The following MYL6 variants were observed in gnomAD, a reference collection of about 807,000 sequenced individuals.
MYL6 encodes myosin light chain 6, also known as myosin light polypeptide 6.
A neutral mutation model predicts 20.3 loss-of-function variants in MYL6; 20 were observed. The ratio of observed to expected loss-of-function variants is 0.98; its 90% confidence interval spans 0.69 to 1.43. The LOEUF is 1.43. MYL6 is among the 40% of genes most tolerant of loss of function. The probability of loss-of-function intolerance (pLI) is 0.00; values close to 1 mark genes in which losing one functional copy is unlikely to be tolerated. For synonymous variants in MYL6, 77 were observed against 72.4 expected (o/e 1.06, Z -0.32); for missense variants, 164 against 191.0 (o/e 0.86, Z 0.83).
Position 56,160,671 on chromosome 12 carries a change from G to A in MYL6, c.*16+1G>A, listed in dbSNP as rs112639042. ...TCGGGGTGACGGGCCCATGGGGCGG[G>A]TACGGCTCCTCCCAGCCTCTCCTCT... On this transcript the variant is annotated splice_donor_variant, in intron 6 of 6. Coordinates refer to ENST00000550697, the MANE Select transcript of MYL6 (RefSeq NM_021019.5). LOFTEE classifies it low-confidence loss of function (3UTR_SPLICE). The A allele has an allele frequency of 6.2e-7, 1 of 1,614,102 alleles. No homozygotes were observed. The highest frequency in any genetic ancestry group is 8.5e-7 in the Non-Finnish European group (1 of 1,179,968).
At chr12:56,161,291 C>T (rs775020979) in intron 6 of MYL6, 96 bp from the exon 7 acceptor site, 13 of 1,489,982 alleles carry the variant, frequency 8.7e-6, no homozygotes, top group South Asian at 1.1e-5. Context: ...GGCATGTTCC[C>T]GCTTATGCTA....
Position 56,160,228 on chromosome 12 carries a change from T to G in MYL6, c.350-15T>G, listed in dbSNP as rs375119697. The G allele has an allele frequency of 1.4e-5, 22 of 1,613,974 alleles. No homozygotes were observed. The highest frequency in any genetic ancestry group is 2.2e-5 in the South Asian group (2 of 91,082). ...TTGTCACCCAATTCCAAAAATGCTT[T>G]CTTTCCCCCTGCAGGTGAGAAGATG... On this transcript the variant is annotated splice_polypyrimidine_tract_variant and intron_variant, in intron 4 of 6. Transcript: ENST00000550697.
intron 6 of MYL6, chr12:56,160,960 CTT>C (rs1871786363): frequency 1.2e-5 from 7 of 571,962 alleles, no homozygotes; most frequent in Non-Finnish European, 2.2e-5. Context: ...TTAGGGTGAC[CTT>C]CTGGCCCTGG....
chr12:56,159,900 G>A, intron 3 of MYL6, 75 bp from the exon 4 acceptor site: 2 of 1,541,174 alleles, frequency 1.3e-6, no homozygotes, highest in Non-Finnish European at 1.7e-6. Flanking sequence ...CTGTTCAGTT[G>A]AGGTCTCTAT....
In MYL6 at chr12:56,161,503, G is replaced by C; in HGVS notation, c.*133G>C. On this transcript the variant is annotated 3_prime_UTR_variant, in exon 7 of 7. Coordinates refer to ENST00000550697, the MANE Select transcript of MYL6 (RefSeq NM_021019.5). ...AGTTTCCCTAGGCTTTCTTGTCTCAGCAACTTTCCCATCTTGTCTCTCTTG... is the reference window on the plus strand; with the variant it reads ...AGTTTCCCTAGGCTTTCTTGTCTCACCAACTTTCCCATCTTGTCTCTCTTG... The C allele has an allele frequency of 6.7e-7, 1 of 1,487,128 alleles. No homozygotes were observed. The highest frequency in any genetic ancestry group is 9.4e-7 in the Non-Finnish European group (1 of 1,066,442). 92.1% of individuals were successfully genotyped at this position (1,487,128 alleles called of 1,614,324 possible).
At chr12:56,158,838 TTCTC>T in intron 2 of MYL6, 127 bp downstream of exon 2, 1 of 1,521,466 alleles carries the variant, frequency 6.6e-7, no homozygotes, top group South Asian at 1.3e-5. Flanking sequence ...CTGGATTATT[TTCTC>T]TTCTTCTGGA....
chr12:56,161,312 C>T, intron 6 of MYL6, 75 bp from the exon 7 acceptor site: 1 of 1,566,694 alleles, frequency 6.4e-7, no homozygotes, highest in Non-Finnish European at 8.8e-7. Context: ...CCTTTGCAGT[C>T]TGGTAGTCCC....
In MYL6 at chr12:56,161,408, ATGGC is replaced by A. The variant is rs1346792586; in HGVS notation, c.*41_*44del. The A allele has an allele frequency of 6.2e-7, 1 of 1,614,108 alleles. No individual in the cohort carries two copies. Among genetic ancestry groups the A allele is most frequent in the Non-Finnish European group, 8.5e-7 (1 of 1,179,998 alleles). The stretch of plus-strand genomic sequence containing the variant: ...ACAGAGCTCGTCCGCATGGTGCTGA[ATGGC>A]TGAGGACCTTCCCAGTCTCCCCAGA... On this transcript the variant is annotated 3_prime_UTR_variant, in exon 7 of 7. Transcript: ENST00000550697.
intron 2 of MYL6, chr12:56,159,344 G>T (rs1031179426): frequency 6.0e-5 from 29 of 485,786 alleles, no homozygotes; most frequent in Non-Finnish European, 1.0e-4. Context: ...TGGCAGGCCT[G>T]CCGCAGGCAG....
chr12:56,160,537 G>C, intron 5 of MYL6, 89 bp from the exon 6 acceptor site: 1 of 1,481,338 alleles, frequency 6.8e-7, no homozygotes, highest in South Asian at 1.1e-5. Context: ...AATGAGAAGT[G>C]AAATAATGGA....
At position 56,160,669 on chromosome 12, in the gene MYL6, G is replaced by C; in HGVS notation, c.*15G>C. On this transcript the variant is annotated splice_region_variant and 3_prime_UTR_variant, in exon 6 of 7. Transcript: ENST00000550697. Reference sequence around the variant, plus strand: ...TGTCGGGGTGACGGGCCCATGGGGCGGGTACGGCTCCTCCCAGCCTCTCCT... The same window carrying C: ...TGTCGGGGTGACGGGCCCATGGGGCCGGTACGGCTCCTCCCAGCCTCTCCT... 6.2e-7 allele frequency: 1 copy of C among 1,614,118 alleles called. No individual in the cohort carries two copies. The highest frequency in any genetic ancestry group is 8.5e-7 in the Non-Finnish European group (1 of 1,179,994).
chr12:56,161,057 T>C (rs1871800490), intron 6 of MYL6: 1 of 568,878 alleles, frequency 1.8e-6, no homozygotes. Context: ...CTTCCCTCGC[T>C]GGGCAGCTTG....
chr12:56,159,988 G>A lies in MYL6; in HGVS notation c.189G>A (p.Lys63=). The change falls in exon 4 of 7, where the codon AAG becomes AAA. Residue 63 remains lysine (K), a synonymous_variant. Transcript: ENST00000550697. ...GNPKSDEMNV[K]VLDFEHFLPM... is the part of the protein sequence containing the mutation. ...CCTTTATGGCAGAGATGAATGTGAA[G>A]GTGCTGGACTTTGAGCACTTTCTGC... 1 of 1,612,744 alleles carries A rather than the reference G, an allele frequency of 6.2e-7. No homozygotes were observed. The highest frequency in any genetic ancestry group is 8.5e-7 in the Non-Finnish European group (1 of 1,179,458).
Position 56,158,702 on chromosome 12 carries a change from C to A in MYL6, c.22C>A (p.Gln8Lys), listed in dbSNP as rs767326974. MCDFTED[Q>K]TAEFKEAFQL... ...TGAGCAGTGTGACTTCACCGAAGAC[C>A]AGACCGCAGGTAGGTTATCTCTGAT... Residue 8 changes from glutamine (Q) to lysine (K), a missense_variant, in exon 2 of 7, where the codon CAG becomes AAG. Transcript: ENST00000550697. 6.2e-7 allele frequency: 1 copy of A among 1,614,070 alleles called. No homozygotes were observed. The highest frequency in any genetic ancestry group is 1.1e-5 in the South Asian group (1 of 91,078).
intron 2 of MYL6, chr12:56,159,041 T>C: frequency 1.1e-6 from 1 of 881,540 alleles, no homozygotes; most frequent in Non-Finnish European, 1.6e-6. Flanking sequence ...CAGCTACTTC[T>C]GCCTCTTTTC....
intron 1 of MYL6, 139 bp downstream of exon 1, chr12:56,158,543 T>C: frequency 2.5e-6 from 4 of 1,612,258 alleles, no homozygotes; most frequent in Non-Finnish European, 1.7e-6. Context: ...TTGGAAAGAC[T>C]GGGGCCCTGC....
At chr12:56,160,357 C>G in intron 5 of MYL6, 37 bp downstream of exon 5, 1 of 1,611,872 alleles carries the variant, frequency 6.2e-7, no homozygotes, top group Non-Finnish European at 8.5e-7. Flanking sequence ...AGAAAGCAGC[C>G]ATATGGGGCA....
chr12:56,160,603 T>C, intron 5 of MYL6, 23 bp from the exon 6 acceptor site: 1 of 1,614,174 alleles, frequency 6.2e-7, no homozygotes. Flanking sequence ...GTCTTCACCA[T>C]GAATGTCTCT....
chr12:56,160,763 A>G (rs764932170), intron 6 of MYL6, 93 bp downstream of exon 6: 30 of 1,354,334 alleles, frequency 2.2e-5, no homozygotes, highest in Non-Finnish European at 3.1e-5. Flanking sequence ...TTACCCTACT[A>G]CCATCTGACT....
Sources: gnomAD v4.1 joint callset for allele counts on GRCh38, gnomAD v4.1.1 for gene constraint, MANE v1.5 for transcripts, NCBI Gene and HGNC (gene_info 2026-07-23, HGNC 2026-07-21) for gene names.